The following NTM variants were observed in gnomAD, a reference collection of about 807,000 sequenced individuals.
NTM encodes IgLON family member 2.
A neutral mutation model predicts 42.1 loss-of-function variants in NTM; 13 were observed. The observed-to-expected ratio is 0.31, with a 90% CI of 0.20 to 0.49. NTM has a LOEUF of 0.49. Ranked by LOEUF, NTM falls within the 20% of genes least tolerant of loss-of-function variation. The probability of loss-of-function intolerance (pLI) is 0.99; values close to 1 mark genes in which losing one functional copy is unlikely to be tolerated. For synonymous variants in NTM, 187 were observed against 179.2 expected, an observed-to-expected ratio of 1.04 and a Z score of -0.35; for missense variants, 373 against 452.8, an observed-to-expected ratio of 0.82 and a Z score of 1.60.
At chr11:131,527,414 G>A (rs2050654764) in intron 1 of NTM, among the ~76,000 whole-genome samples, 1 of 152,090 alleles carries the variant, frequency 6.6e-6, no homozygotes, top group Non-Finnish European at 1.5e-5. Context: ...CACTGCACAT[G>A]ACCACCACCT....
chr11:132,319,708 C>G (rs745792450), intron 7 of NTM, among the ~76,000 whole-genome samples: 2 of 152,216 alleles, frequency 1.3e-5, no homozygotes, highest in African/African-American at 4.8e-5. Flanking sequence ...AGCACAGACA[C>G]AAAAGACAGC....
chr11:131,714,462 A>T (rs754766672), intron 1 of NTM, among the ~76,000 whole-genome samples: 1 of 152,116 alleles, frequency 6.6e-6, no homozygotes, highest in African/African-American at 2.4e-5. Flanking sequence ...AATTGTTGGG[A>T]TTACAGATGT....
rs528728633 is a variant in NTM at position 132,122,150 on chromosome 11, G to A, written c.168-24132G>A. 2.6e-5 allele frequency among the ~76,000 whole-genome samples: 4 copies of A among 152,338 alleles called. No individual in the cohort carries two copies. In the East Asian group the frequency reaches 7.7e-4, roughly 29 times the overall value. On this transcript the variant is annotated intron_variant, in intron 2 of 8. Coordinates refer to ENST00000683400, the MANE Select transcript of NTM (RefSeq NM_001352005.2). ...TTGTGCTAGGAGCCGTGCACTCGGT[G>A]TGGGCCTTTGCTCCGAATAGACAGG...
chr11:131,443,173 A>G (rs61901896), intron 1 of NTM, among the ~76,000 whole-genome samples: 25,169 of 152,128 alleles, frequency 0.17, 2,135 homozygotes, highest in South Asian at 0.2. Flanking sequence ...GATTTGCTGC[A>G]GTGTTTAAAG....
intron 4 of NTM, among the ~76,000 whole-genome samples, chr11:132,237,471 A>G (rs3099790): frequency 0.36 from 54,011 of 152,004 alleles, 10,166 homozygotes; most frequent in Middle Eastern, 0.53. Context: ...TTACTCTCTC[A>G]GCCTTTGGGC....
At chr11:131,428,939 C>T (rs1948424939) in intron 1 of NTM, among the ~76,000 whole-genome samples, 1 of 150,344 alleles carries the variant, frequency 6.7e-6, no homozygotes, top group African/African-American at 2.5e-5. Context: ...CCTGTAATCC[C>T]AGCTACTTGG....
At chr11:132,114,572 C>T (rs976638152) in intron 2 of NTM, among the ~76,000 whole-genome samples, 4 of 152,174 alleles carry the variant, frequency 2.6e-5, no homozygotes, top group Non-Finnish European at 5.9e-5. Flanking sequence ...ATACCCCTGG[C>T]CATTGGCTTT....
At chr11:131,999,988 T>C (rs76261274) in intron 2 of NTM, among the ~76,000 whole-genome samples, 2,964 of 152,270 alleles carry the variant, frequency 0.019, 107 homozygotes, top group African/African-American at 0.068. Flanking sequence ...TTTTCTTTTC[T>C]TTTTCTTTTT....
intron 1 of NTM, among the ~76,000 whole-genome samples, chr11:131,564,347 C>G (rs1223804203): frequency 1.3e-5 from 2 of 152,164 alleles, no homozygotes; most frequent in Non-Finnish European, 2.9e-5. Flanking sequence ...GATCAGAGTG[C>G]CACCATGGTC....
At chr11:131,890,379 A>G (rs919208118) in intron 1 of NTM, among the ~76,000 whole-genome samples, 1 of 152,160 alleles carries the variant, frequency 6.6e-6, no homozygotes, top group African/African-American at 2.4e-5. Context: ...ATTAATTGGC[A>G]TTGCTGTGCT....
intron 3 of NTM, among the ~76,000 whole-genome samples, chr11:132,153,419 G>A (rs1378523232): frequency 1.3e-5 from 2 of 152,170 alleles, no homozygotes; most frequent in East Asian, 1.9e-4. Context: ...GTCTCTTTAT[G>A]GTCTCATGAC....
intron 1 of NTM, among the ~76,000 whole-genome samples, chr11:131,883,668 T>A (rs532510255): frequency 6.6e-6 from 1 of 152,310 alleles, no homozygotes; most frequent in African/African-American, 2.4e-5. Context: ...TTTGGCTTAG[T>A]TTACGAACTC....
intron 2 of NTM, among the ~76,000 whole-genome samples, chr11:131,948,152 G>A (rs1330918385): frequency 2.0e-5 from 3 of 152,052 alleles, no homozygotes; most frequent in East Asian, 3.9e-4. Flanking sequence ...ACGAGGTCAG[G>A]AGATCGATAC....
At chr11:132,108,262 G>C (rs11222931) in intron 2 of NTM, among the ~76,000 whole-genome samples, 1 of 152,034 alleles carries the variant, frequency 6.6e-6, no homozygotes, top group East Asian at 1.9e-4. Flanking sequence ...TCATCAAAAC[G>C]ACAATAGCTG....
intron 3 of NTM, among the ~76,000 whole-genome samples, chr11:132,170,853 A>C (rs1470507936): frequency 4.6e-5 from 7 of 152,212 alleles, no homozygotes; most frequent in African/African-American, 1.7e-4. Flanking sequence ...TGGGAATAGG[A>C]AAATGAGTGA....
chr11:131,370,974 T>C, intron 1 of NTM, 86 bp downstream of exon 1: 1 of 1,578,374 alleles, frequency 6.3e-7, no homozygotes, highest in East Asian at 2.2e-5. Context: ...CCGAGTCGGC[T>C]GTGCTGCGCT....
chr11:132,284,596 A>T (rs546098734), intron 4 of NTM, among the ~76,000 whole-genome samples: 1 of 152,138 alleles, frequency 6.6e-6, no homozygotes, highest in East Asian at 1.9e-4. Flanking sequence ...TCACACTGTG[A>T]TACTGGGACC....
At chr11:132,008,926 C>A (rs185000576) in intron 2 of NTM, among the ~76,000 whole-genome samples, 1 of 149,062 alleles carries the variant, frequency 6.7e-6, no homozygotes, top group Admixed American at 6.7e-5. Flanking sequence ...TAATTAAGAG[C>A]GAATGAAGGT....
intron 3 of NTM, among the ~76,000 whole-genome samples, chr11:132,177,801 C>T (rs184337538): frequency 6.6e-6 from 1 of 152,300 alleles, no homozygotes; most frequent in Non-Finnish European, 1.5e-5. Context: ...CTTCATCTGT[C>T]GTATGACTAT....
Sources: gnomAD v4.1 joint callset for allele counts (sites outside exome capture counted in the v4.1 genomes callset) on GRCh38, gnomAD v4.1.1 for gene constraint, MANE v1.5 for transcripts, NCBI Gene and HGNC (gene_info 2026-07-23, HGNC 2026-07-21) for gene names.